The following CTBP1 variants were observed in gnomAD, a reference collection of about 807,000 sequenced individuals.
The protein encoded by CTBP1 is C-terminal-binding protein 1.
In CTBP1, 11 loss-of-function variants were observed where a neutral mutation model predicts 42.1. That is an observed-to-expected ratio of 0.26 (90% CI 0.16 to 0.43). CTBP1 has a LOEUF of 0.43. CTBP1 is among the 20% of genes least tolerant of loss of function. The probability of loss-of-function intolerance (pLI) is 1.00; values close to 1 mark genes in which losing one functional copy is unlikely to be tolerated. For synonymous variants in CTBP1, 324 were observed against 277.1 expected, an observed-to-expected ratio of 1.17 and a Z score of -1.68; for missense variants, 399 against 624.3, an observed-to-expected ratio of 0.64 and a Z score of 3.85.
At position 1,233,285 on chromosome 4, in the gene CTBP1, C is replaced by T. The variant is rs1414611047; in HGVS notation, c.162+4898G>A. The T allele has an allele frequency of 6.6e-6, 1 of 152,332 alleles. No homozygotes were observed. The highest frequency in any genetic ancestry group is 1.5e-5 in the Non-Finnish European group (1 of 68,126). 9.4% of individuals were successfully genotyped at this position (152,332 alleles called of 1,614,324 possible). On this transcript the variant is annotated intron_variant, in intron 3 of 9. Coordinates refer to ENST00000382952, the MANE Select transcript of CTBP1 (RefSeq NM_001012614.2). This position sits in a 1 kb window ranked among gnomAD's most constrained non-coding sequence, Gnocchi z 4.6. Reference sequence around the variant, plus strand: ...GTTTTTCCCAGTCACCATGACAACGCCTGCTTGTGTGTTTTTCCGGGATTT... The same window carrying T: ...GTTTTTCCCAGTCACCATGACAACGTCTGCTTGTGTGTTTTTCCGGGATTT...
chr4:1,242,996 C>G, intron 1 of CTBP1: 1 of 985,142 alleles, frequency 1.0e-6, no homozygotes. Context: ...TCAATGCCAG[C>G]CAATACTCAT....
Position 1,216,551 on chromosome 4 carries a change from C to G in CTBP1, c.515-346G>C, listed in dbSNP as rs543900222. 6.9e-6 allele frequency: 3 copies of G among 432,442 alleles called. No individual in the cohort carries two copies. The South Asian group carries it at 9.3e-5, about 13-fold the overall frequency. 26.8% of individuals were successfully genotyped at this position (432,442 alleles called of 1,614,324 possible). ...ACTGGTCAGTGGGTCTCCACCCACC[C>G]AACACATGTCCTCCGTGCCCAGGCC... On this transcript the variant is annotated intron_variant, in intron 5 of 9. Transcript: ENST00000382952.
At chr4:1,229,601 G>A (rs1730749504) in intron 3 of CTBP1, among the ~76,000 whole-genome samples, 1 of 152,196 alleles carries the variant, frequency 6.6e-6, no homozygotes, top group African/African-American at 2.4e-5. Context: ...TGGAGCCTGT[G>A]GATCCCGGGC....
At chr4:1,241,108 A>G (rs1359950027) in intron 2 of CTBP1, among the ~76,000 whole-genome samples, 2 of 152,172 alleles carry the variant, frequency 1.3e-5, no homozygotes, top group Non-Finnish European at 2.9e-5. Flanking sequence ...GACAGGCCTG[A>G]CCACAGCTGT....
intron 2 of CTBP1, among the ~76,000 whole-genome samples, chr4:1,239,659 G>A (rs1207200602): frequency 6.6e-6 from 1 of 152,230 alleles, no homozygotes; most frequent in Non-Finnish European, 1.5e-5. Context: ...CACGCCTGCA[G>A]GGGACGGGGC....
chr4:1,212,408 C>G lies in CTBP1; in HGVS notation c.1122G>C (p.Val374=), dbSNP rs1274014857. The part of the protein sequence containing the change: ...NGAAYRYPPG[V]VGVAPTGIPA... ...GGATGCCAGTGGGGGCCACGCCCAC[C>G]ACGCCCGGAGGGTACCTGCTGGGAG... is the stretch of plus-strand genomic sequence containing the variant. The change falls in exon 10 of 10, where the codon GTG becomes GTC. Residue 374 remains valine, a synonymous_variant. Transcript: ENST00000382952. 13 of 1,469,698 alleles carry G rather than the reference C, an allele frequency of 8.8e-6. No homozygotes were observed. The South Asian group carries it at 1.8e-4, about 20-fold the overall frequency. 91.0% of individuals were successfully genotyped at this position (1,469,698 alleles called of 1,614,324 possible).
At chr4:1,221,895 A>G in intron 5 of CTBP1, 1 of 397,544 alleles carries the variant, frequency 2.5e-6, no homozygotes, top group South Asian at 1.8e-5. Flanking sequence ...GAGGAAAGAA[A>G]GAAACAAGAA....
rs1335445583 is a variant in CTBP1, at chr4:1,213,381, G to C, written c.988+97C>G. On this transcript the variant is annotated intron_variant, in intron 8 of 9. Coordinates refer to ENST00000382952, the MANE Select transcript of CTBP1 (RefSeq NM_001012614.2). ...GAGCACCACGGGCCCTGAGCTGGCA[G>C]AACATGGGCCTGGCTGCCAGGCGGA... The C allele has an allele frequency of 5.7e-6, 9 of 1,570,012 alleles. No homozygotes were observed. The East Asian group carries it at 1.3e-4, about 23-fold the overall frequency.
intron 1 of CTBP1, chr4:1,244,442 C>G: frequency 1.0e-6 from 1 of 985,158 alleles, no homozygotes; most frequent in Non-Finnish European, 1.2e-6. Flanking sequence ...AGCCTCAGCA[C>G]CTGGTCCTCA....
chr4:1,248,703 G>A (rs1577090678), intron 1 of CTBP1: 5 of 982,296 alleles, frequency 5.1e-6, no homozygotes, highest in Non-Finnish European at 6.0e-6. Flanking sequence ...CGGCGCTCGC[G>A]CACACGCAGC....
chr4:1,234,512 G>A (rs1372560125), intron 3 of CTBP1, among the ~76,000 whole-genome samples: 1 of 152,234 alleles, frequency 6.6e-6, no homozygotes, highest in Non-Finnish European at 1.5e-5. Flanking sequence ...GTGGGGAGCA[G>A]GAAGTCTGTC....
chr4:1,230,644 G>C (rs1204214027), intron 3 of CTBP1, among the ~76,000 whole-genome samples: 2 of 152,236 alleles, frequency 1.3e-5, no homozygotes, highest in Admixed American at 6.5e-5. Context: ...TGTGTACGCA[G>C]GCAACAGCCT....
chr4:1,238,167 G>A lies in CTBP1; in HGVS notation c.162+16C>T, dbSNP rs780183940. 20 of 1,612,554 alleles carry A rather than the reference G, an allele frequency of 1.2e-5. No homozygotes were observed. The highest frequency in any genetic ancestry group is 1.7e-4 in the Middle Eastern group (1 of 6,058). On this transcript the variant is annotated intron_variant, in intron 3 of 9. Transcript: ENST00000382952. This position sits in a 1 kb window ranked among gnomAD's most constrained non-coding sequence, Gnocchi z 5.9. Reference sequence around the variant, plus strand: ...ACGTGCGGTTCTGCCAGCCCCAGGCGACCACGTGGTGGTACCTTCTCATGG... The same window carrying A: ...ACGTGCGGTTCTGCCAGCCCCAGGCAACCACGTGGTGGTACCTTCTCATGG...
At chr4:1,230,760 A>G (rs1015340914) in intron 3 of CTBP1, among the ~76,000 whole-genome samples, 1 of 152,234 alleles carries the variant, frequency 6.6e-6, no homozygotes, top group Non-Finnish European at 1.5e-5. Context: ...TCACGTGAAT[A>G]TGACGAATAT....
intron 3 of CTBP1, among the ~76,000 whole-genome samples, chr4:1,230,055 G>A (rs1473640016): frequency 6.6e-6 from 1 of 152,230 alleles, no homozygotes; most frequent in Non-Finnish European, 1.5e-5. Flanking sequence ...TCATGGACAG[G>A]GCTGATGGCT....
intron 5 of CTBP1, chr4:1,217,285 C>G (rs1479184076): frequency 6.6e-6 from 1 of 152,302 alleles, no homozygotes; most frequent in Admixed American, 6.5e-5. Flanking sequence ...GCACTACATC[C>G]TAGAAAGGGA....
chr4:1,244,321 C>T (rs1012280069), intron 1 of CTBP1: 147 of 983,098 alleles, frequency 1.5e-4, no homozygotes, highest in Non-Finnish European at 1.7e-4. Flanking sequence ...GGACCTGCCC[C>T]GATCCAGACA....
chr4:1,215,904 C>A, intron 6 of CTBP1, 87 bp downstream of exon 6: 1 of 1,409,240 alleles, frequency 7.1e-7, no homozygotes, highest in South Asian at 1.3e-5. Flanking sequence ...TGCCCAGGTG[C>A]AGATGGCTGC....
chr4:1,231,069 ATGGC>A (rs1730917212), intron 3 of CTBP1: 1 of 152,272 alleles, frequency 6.6e-6, no homozygotes, highest in Non-Finnish European at 1.5e-5. Context: ...GAATCTGAAC[ATGGC>A]TGGGGCACCC....
Sources: allele counts gnomAD v4.1 joint callset (sites outside exome capture counted in the v4.1 genomes callset), GRCh38; gene constraint gnomAD v4.1.1; non-coding constraint Gnocchi (gnomAD v3.1); transcripts MANE v1.5; gene names NCBI Gene and HGNC (gene_info 2026-07-23, HGNC 2026-07-21).